RIMS1: variants seen among roughly 807,000 people sequenced by gnomAD.
RIMS1 encodes regulating synaptic membrane exocytosis protein 1.
Under a neutral mutation model 214.1 loss-of-function variants are expected in RIMS1, and 83 were observed. The ratio of observed to expected loss-of-function variants is 0.39; its 90% CI spans 0.32 to 0.47. RIMS1 has a LOEUF of 0.47. RIMS1 is among the 20% of genes least tolerant of loss of function. The pLI is 0.99. For missense variants in RIMS1, 2,050 were observed against 2,161.8 expected, an observed-to-expected ratio of 0.95 and a Z score of 1.03; for synonymous variants, 793 against 786.8, an observed-to-expected ratio of 1.01 and a Z score of -0.13.
intron 4 of RIMS1, chr6:72,126,761 T>TAAA (rs71540329): frequency 4.8e-4 from 60 of 124,512 alleles, no homozygotes; most frequent in Middle Eastern, 1.3e-3. Flanking sequence ...ATTAAAAAGT[T>TAAA]AAAAAAAAAA....
chr6:72,292,218 A>G (rs964355867), intron 26 of RIMS1, among the ~76,000 whole-genome samples, 172 bp downstream of exon 26: 3 of 152,174 alleles, frequency 2.0e-5, no homozygotes, highest in Non-Finnish European at 4.4e-5. Context: ...GGTTCATGGC[A>G]TGCACTCAGT....
intron 16 of RIMS1, among the ~76,000 whole-genome samples, chr6:72,256,600 A>G (rs78064162): frequency 7.4e-4 from 113 of 152,160 alleles, no homozygotes; most frequent in Non-Finnish European, 1.5e-3. Flanking sequence ...TTGGCCTTCC[A>G]TAATTATTGT....
chr6:71,994,751 A>T (rs1346319710), intron 2 of RIMS1, among the ~76,000 whole-genome samples: 1 of 152,214 alleles, frequency 6.6e-6, no homozygotes, highest in East Asian at 1.9e-4. Context: ...TGGAATGAAG[A>T]TTGTATTTTA....
rs532444948 is a variant in RIMS1, at chr6:71,975,240, A to C, written c.245+6177A>C. On this transcript the variant is annotated intron_variant, in intron 2 of 33. Transcript: ENST00000521978. ...ACTTAAACGAGGATTGGAGGACTTA[A>C]GAAAATTATGCAATGTCATGCAAAA... 1.4e-4 allele frequency among the ~76,000 whole-genome samples: 21 copies of C among 152,316 alleles called. No homozygotes were observed. In the South Asian group the frequency reaches 3.5e-3, roughly 26 times the overall value.
At chr6:72,191,035 T>A (rs1432095195) in intron 6 of RIMS1, among the ~76,000 whole-genome samples, 1 of 152,218 alleles carries the variant, frequency 6.6e-6, no homozygotes, top group East Asian at 1.9e-4. Flanking sequence ...AGCATCTCTA[T>A]CTGCCACTGA....
At chr6:71,948,809 T>G (rs1423743735) in intron 1 of RIMS1, among the ~76,000 whole-genome samples, 1 of 152,170 alleles carries the variant, frequency 6.6e-6, no homozygotes, top group African/African-American at 2.4e-5. Flanking sequence ...ACCTGCGAAC[T>G]CCTCTGGGCT....
chr6:72,315,029 T>G (rs1468731909), intron 28 of RIMS1, among the ~76,000 whole-genome samples: 3 of 152,274 alleles, frequency 2.0e-5, no homozygotes, highest in East Asian at 3.9e-4. Context: ...CTTCAAAAAT[T>G]TATCTTCCTA....
intron 6 of RIMS1, among the ~76,000 whole-genome samples, chr6:72,188,252 C>T (rs1444002214): frequency 3.3e-5 from 5 of 152,190 alleles, no homozygotes; most frequent in Non-Finnish European, 7.3e-5. Flanking sequence ...TCGATATTAA[C>T]CATCACAAGT....
chr6:71,979,427 A>G (rs1258183035), intron 2 of RIMS1, among the ~76,000 whole-genome samples: 1 of 152,018 alleles, frequency 6.6e-6, no homozygotes. Context: ...AGATAACTGA[A>G]CTCTAGACCT....
chr6:72,286,796 C>T (rs919347817), intron 24 of RIMS1, among the ~76,000 whole-genome samples: 1 of 152,142 alleles, frequency 6.6e-6, no homozygotes, highest in African/African-American at 2.4e-5. Flanking sequence ...CAAAAGGAGT[C>T]ATACTACACA....
intron 4 of RIMS1, among the ~76,000 whole-genome samples, chr6:72,110,527 GCTTGTGATTTTTGTACATTGATTTTGTAT>G: frequency 6.7e-6 from 1 of 149,372 alleles, no homozygotes; most frequent in Non-Finnish European, 1.5e-5. Context: ...GTATAAGAAT[GCTTGTGATTTTTGTACATTGATTTTGTAT>G]CCTGAGACTT....
intron 1 of RIMS1, among the ~76,000 whole-genome samples, chr6:71,953,269 G>A (rs933512073): frequency 2.6e-5 from 4 of 152,114 alleles, no homozygotes; most frequent in African/African-American, 9.7e-5. Context: ...AATTACAGGT[G>A]TGAGCCACCT....
intron 2 of RIMS1, among the ~76,000 whole-genome samples, chr6:72,075,950 A>AC (rs1831734875): frequency 6.6e-6 from 1 of 152,234 alleles, no homozygotes; most frequent in African/African-American, 2.4e-5. Flanking sequence ...GAAAAAAGAA[A>AC]TAAAAAAATT....
At chr6:72,123,300 C>T (rs1412970126) in intron 4 of RIMS1, among the ~76,000 whole-genome samples, 1 of 151,800 alleles carries the variant, frequency 6.6e-6, no homozygotes, top group Non-Finnish European at 1.5e-5. Context: ...GTTTCTTAAT[C>T]CTGAGTTCTA....
At chr6:72,269,793 ATTAAC>A (rs554041335) in intron 22 of RIMS1, among the ~76,000 whole-genome samples, 199 of 152,244 alleles carry the variant, frequency 1.3e-3, no homozygotes, top group Non-Finnish European at 2.2e-3. Flanking sequence ...AATAGTCTTT[ATTAAC>A]TTATATCTCA....
At position 72,179,709 on chromosome 6, in the gene RIMS1, T is replaced by C. The variant is rs774277304; in HGVS notation, c.606T>C (p.Ser202=). 1.9e-6 allele frequency: 3 copies of C among 1,613,764 alleles called. No homozygotes were observed. The highest frequency in any genetic ancestry group is 2.2e-5 in the East Asian group (1 of 44,880). The part of the protein sequence containing the change: ...TLSDTATGAG[S]EVPREKKARL... The stretch of plus-strand genomic sequence containing the variant: ...GTGATACAGCTACAGGTGCTGGCTC[T>C]GAGGTACCAAGAGAAAAGAAAGCAC... The change falls in exon 5 of 34, where the codon TCT becomes TCC. Residue 202 remains serine (S), a synonymous_variant. Transcript: ENST00000521978.
chr6:72,117,607 G>A (rs1267173732), intron 4 of RIMS1, among the ~76,000 whole-genome samples: 1 of 151,690 alleles, frequency 6.6e-6, no homozygotes, highest in Non-Finnish European at 1.5e-5. Flanking sequence ...AAACTGGAAA[G>A]CAACTCTAAA....
chr6:72,093,797 A>G (rs1473649552), intron 2 of RIMS1, among the ~76,000 whole-genome samples: 1 of 151,684 alleles, frequency 6.6e-6, no homozygotes, highest in Non-Finnish European at 1.5e-5. Flanking sequence ...ACTGGTTTGG[A>G]TATCATACAC....
At chr6:72,295,946 A>G in intron 26 of RIMS1, 1 of 546,900 alleles carries the variant, frequency 1.8e-6, no homozygotes, top group Non-Finnish European at 2.4e-6. Flanking sequence ...GAACAAGAAA[A>G]ATATAACTCT....
Sources: gnomAD v4.1 joint callset for allele counts (sites outside exome capture counted in the v4.1 genomes callset) on GRCh38, gnomAD v4.1.1 for gene constraint, MANE v1.5 for transcripts, NCBI Gene and HGNC (gene_info 2026-07-23, HGNC 2026-07-21) for gene names.